FRMPD4: variants seen among roughly 807,000 people sequenced by gnomAD.
The protein encoded by FRMPD4 is FERM and PDZ domain containing 4.
FRMPD4 carries 22 observed loss-of-function variants against 94.1 expected under a neutral mutation model. The observed-to-expected ratio is 0.23, with a 90% CI of 0.17 to 0.33. The LOEUF (loss-of-function observed/expected upper bound fraction) is 0.33, where lower values mean the gene tolerates loss of function less well. FRMPD4 is among the 10% of genes least tolerant of loss of function. The pLI, the probability that FRMPD4 is intolerant of heterozygous loss-of-function variation, is 1.00. For synonymous variants in FRMPD4, 631 were observed against 548.6 expected, an observed-to-expected ratio of 1.15 and a Z score of -2.10; for missense variants, 1,111 against 1,339.9, an observed-to-expected ratio of 0.83 and a Z score of 2.67.
chrX:12,199,322 T>C (rs1325148257), intron 1 of FRMPD4, among the ~76,000 whole-genome samples: 3 of 108,401 alleles, frequency 2.8e-5, no homozygotes, highest in African/African-American at 1.0e-4. Context: ...GTTGACAGCC[T>C]GGAAGCAAGC....
At chrX:12,673,945 C>A (rs770315206) in intron 4 of FRMPD4, among the ~76,000 whole-genome samples, 3 of 111,901 alleles carry the variant, frequency 2.7e-5, no homozygotes, top group Non-Finnish European at 5.6e-5. Context: ...AACAGCCTTG[C>A]AAAAGATCTC....
chrX:12,657,355 A>G (rs1043475813), intron 4 of FRMPD4, among the ~76,000 whole-genome samples: 1 of 111,492 alleles, frequency 9.0e-6, no homozygotes, highest in Non-Finnish European at 1.9e-5. Flanking sequence ...TCAGTTTCTT[A>G]ACAACTTTTG....
intron 1 of FRMPD4, among the ~76,000 whole-genome samples, chrX:11,841,617 G>A (rs1173808723): frequency 5.4e-5 from 6 of 111,696 alleles, no homozygotes; most frequent in African/African-American, 2.0e-4. Flanking sequence ...TTGTAAATGT[G>A]TTTGAGTTCA....
At chrX:12,617,304 C>T (rs1239430669) in intron 4 of FRMPD4, among the ~76,000 whole-genome samples, 1 of 111,995 alleles carries the variant, frequency 8.9e-6, no homozygotes, top group Non-Finnish European at 1.9e-5. Context: ...ATTTTAGTAT[C>T]CATAAATATT....
At chrX:12,041,546 T>G (rs1360133977) in intron 3 of FRMPD4, among the ~76,000 whole-genome samples, 1 of 111,205 alleles carries the variant, frequency 9.0e-6, no homozygotes, top group Non-Finnish European at 1.9e-5. Flanking sequence ...CCCGTGTATA[T>G]CATGAGTCAT....
In FRMPD4 at chrX:12,124,278, A is replaced by G. The variant is rs190267268; in HGVS notation, c.95+246260A>G. On this transcript the variant is annotated intron_variant, in intron 3 of 18. Coordinates refer to the FRMPD4 transcript ENST00000640291. ...TGTACATAATTTACTAGCTCTTATA[A>G]AAGTTGAAAATATGTACACTATTAG... 2.2e-3 allele frequency among the ~76,000 whole-genome samples: 252 copies of G among 112,179 alleles called. 1 individual carries two copies. Among genetic ancestry groups the G allele is most frequent in the Admixed American group, 3.8e-3 (40 of 10,576 alleles).
intron 2 of FRMPD4, among the ~76,000 whole-genome samples, chrX:12,553,204 G>GA (rs1290642693): frequency 9.2e-6 from 1 of 108,968 alleles, no homozygotes; most frequent in African/African-American, 3.3e-5. Context: ...GAGAGAGAAA[G>GA]AAAAAGAGAG....
At chrX:12,222,433 A>G (rs923426817) in intron 1 of FRMPD4, among the ~76,000 whole-genome samples, 1 of 112,318 alleles carries the variant, frequency 8.9e-6, no homozygotes, top group Non-Finnish European at 1.9e-5. Flanking sequence ...CATCCCATGA[A>G]CAGTTAAATA....
At chrX:12,061,997 GTCTC>G (rs1315945745) in intron 3 of FRMPD4, among the ~76,000 whole-genome samples, 2 of 111,731 alleles carry the variant, frequency 1.8e-5, no homozygotes, top group African/African-American at 6.5e-5. Context: ...AAATAAATAA[GTCTC>G]TATTCAGTCT....
intron 1 of FRMPD4, among the ~76,000 whole-genome samples, chrX:12,169,441 A>G (rs1209452059): frequency 8.9e-6 from 1 of 112,025 alleles, no homozygotes; most frequent in African/African-American, 3.2e-5. Context: ...TTGCTAATAA[A>G]TTAAGACATG....
intron 1 of FRMPD4, among the ~76,000 whole-genome samples, chrX:12,351,896 A>G (rs1422381657): frequency 8.9e-6 from 1 of 112,793 alleles, no homozygotes; most frequent in African/African-American, 3.2e-5. Flanking sequence ...TAGTCATTAA[A>G]TTGTCGATGG....
chrX:12,446,190 A>G (rs1194286461), intron 1 of FRMPD4, among the ~76,000 whole-genome samples: 1 of 112,399 alleles, frequency 8.9e-6, no homozygotes, highest in East Asian at 2.8e-4. Context: ...TACATTGTAT[A>G]ATACATTTCA....
intron 1 of FRMPD4, among the ~76,000 whole-genome samples, chrX:12,245,202 G>T (rs2053937587): frequency 8.9e-6 from 1 of 112,047 alleles, no homozygotes; most frequent in African/African-American, 3.2e-5. Context: ...AAGGCACTCT[G>T]TATGCAGAGA....
intron 3 of FRMPD4, among the ~76,000 whole-genome samples, chrX:11,915,647 A>G (rs1453848584): frequency 1.8e-5 from 2 of 112,674 alleles, no homozygotes; most frequent in African/African-American, 3.2e-5. Context: ...TTCAATAGCC[A>G]TATGTTGTAG....
intron 4 of FRMPD4, among the ~76,000 whole-genome samples, chrX:12,655,241 T>A (rs2059641504): frequency 8.9e-6 from 1 of 112,455 alleles, no homozygotes; most frequent in East Asian, 2.8e-4. Flanking sequence ...AATATTTTCT[T>A]TATTTTAGGG....
At chrX:11,861,805 G>A (rs1472534112) in intron 1 of FRMPD4, among the ~76,000 whole-genome samples, 1 of 111,570 alleles carries the variant, frequency 9.0e-6, no homozygotes, top group Non-Finnish European at 1.9e-5. Context: ...CTTAGTGTTT[G>A]TATTAGTCTG....
chrX:11,971,112 T>A (rs1277030031), intron 3 of FRMPD4, among the ~76,000 whole-genome samples: 2 of 112,160 alleles, frequency 1.8e-5, no homozygotes, highest in Non-Finnish European at 3.8e-5. Flanking sequence ...TTATTTCCTG[T>A]CTTTCTGAAA....
intron 1 of FRMPD4, among the ~76,000 whole-genome samples, chrX:12,159,337 A>G (rs2055985809): frequency 8.9e-6 from 1 of 112,135 alleles, no homozygotes; most frequent in Non-Finnish European, 1.9e-5. Context: ...TGACCGCAAG[A>G]GGCTAGGAAT....
chrX:12,598,494 C>T (rs953647343), intron 2 of FRMPD4, among the ~76,000 whole-genome samples: 4 of 111,494 alleles, frequency 3.6e-5, no homozygotes, highest in African/African-American at 9.8e-5. Flanking sequence ...TTGTTTTGCC[C>T]GAGCAGGAAG....
Sources: allele counts gnomAD v4.1 joint callset (sites outside exome capture counted in the v4.1 genomes callset), GRCh38; gene constraint gnomAD v4.1.1; transcripts MANE v1.5; gene names NCBI Gene and HGNC (gene_info 2026-07-23, HGNC 2026-07-21).